Variants in PLPPR1 observed in about 807,000 individuals in gnomAD.
PLPPR1 encodes the protein phospholipid phosphatase-related protein type 1.
Under a neutral mutation model 33.1 loss-of-function variants are expected in PLPPR1, and 10 were observed. The observed-to-expected ratio is 0.30, with a 90% CI of 0.19 to 0.51. The LOEUF (loss-of-function observed/expected upper bound fraction) is 0.51, where lower values mean the gene tolerates loss of function less well. Among genes scored for constraint, PLPPR1 ranks in the 20% least tolerant of loss-of-function variants. PLPPR1 has a pLI of 0.97. For missense variants in PLPPR1, 304 were observed against 408.1 expected, an observed-to-expected ratio of 0.74 and a Z score of 2.20; for synonymous variants, 151 against 151.0, an observed-to-expected ratio of 1.00 and a Z score of 0.00.
At chr9:101,140,105 A>G (rs1325208648) in intron 1 of PLPPR1, among the ~76,000 whole-genome samples, 1 of 152,174 alleles carries the variant, frequency 6.6e-6, no homozygotes, top group African/African-American at 2.4e-5. Flanking sequence ...TACAAAAGGA[A>G]CTAGAAAGGT....
At chr9:101,094,938 C>A (rs1830796485) in intron 1 of PLPPR1, among the ~76,000 whole-genome samples, 1 of 152,146 alleles carries the variant, frequency 6.6e-6, no homozygotes, top group Non-Finnish European at 1.5e-5. Context: ...TTTCAAGGAC[C>A]CCCATCCTCT....
intron 2 of PLPPR1, among the ~76,000 whole-genome samples, chr9:101,229,577 A>AT (rs1827141320): frequency 6.6e-6 from 1 of 152,072 alleles, no homozygotes; most frequent in Non-Finnish European, 1.5e-5. Flanking sequence ...TCACAGATAA[A>AT]TTTTTTTAAA....
At chr9:101,127,827 GC>G (rs1300943035) in intron 1 of PLPPR1, among the ~76,000 whole-genome samples, 1 of 152,164 alleles carries the variant, frequency 6.6e-6, no homozygotes, top group Non-Finnish European at 1.5e-5. Flanking sequence ...TGCAAGCCTT[GC>G]CCCAGCTTCT....
At chr9:101,075,955 C>A (rs1246483865) in intron 1 of PLPPR1, among the ~76,000 whole-genome samples, 1 of 152,042 alleles carries the variant, frequency 6.6e-6, no homozygotes, top group South Asian at 2.1e-4. Context: ...GAAACTGGAA[C>A]AAGCATGAGG....
At chr9:101,248,973 C>G (rs1034451150) in intron 2 of PLPPR1, among the ~76,000 whole-genome samples, 1 of 152,064 alleles carries the variant, frequency 6.6e-6, no homozygotes, top group East Asian at 1.9e-4. Context: ...CTGGGAACAA[C>G]TTAATCTAAG....
In PLPPR1 at chr9:101,077,318, A is replaced by G. The variant is rs138851155; in HGVS notation, c.-46+48216A>G. Among the ~76,000 whole-genome samples the G allele has an allele frequency of 2.5e-3, 375 of 152,136 alleles. 2 individuals carry two copies. The highest frequency in any genetic ancestry group is 8.6e-3 in the African/African-American group (356 of 41,496). ...ACCCTGAGTTTTCATTCCTTCCCAT[A>G]TATTCTCTTTTCTACCAGCCACCCC... is the stretch of plus-strand genomic sequence containing the variant. On this transcript the variant is annotated intron_variant, in intron 1 of 7. Coordinates refer to ENST00000374874, the MANE Select transcript of PLPPR1 (RefSeq NM_207299.2).
At chr9:101,170,488 C>T (rs1281439452) in intron 1 of PLPPR1, among the ~76,000 whole-genome samples, 2 of 152,154 alleles carry the variant, frequency 1.3e-5, no homozygotes, top group Non-Finnish European at 2.9e-5. Flanking sequence ...CCCACTGGGT[C>T]CCTCCCATGA....
chr9:101,312,480 C>T (rs2118959231), intron 5 of PLPPR1, among the ~76,000 whole-genome samples: 1 of 152,298 alleles, frequency 6.6e-6, no homozygotes, highest in South Asian at 2.1e-4. Flanking sequence ...GATATTTAAA[C>T]TTGTCACATA....
At chr9:101,124,204 G>A (rs1831214060) in intron 1 of PLPPR1, among the ~76,000 whole-genome samples, 1 of 152,116 alleles carries the variant, frequency 6.6e-6, no homozygotes, top group Non-Finnish European at 1.5e-5. Flanking sequence ...AGTCGCTCTG[G>A]TTTGAATACT....
At chr9:101,155,442 G>A (rs1831667734) in intron 1 of PLPPR1, among the ~76,000 whole-genome samples, 1 of 152,336 alleles carries the variant, frequency 6.6e-6, no homozygotes, top group East Asian at 1.9e-4. Flanking sequence ...ATATGCAAGA[G>A]ATTAAGGAGA....
intron 2 of PLPPR1, among the ~76,000 whole-genome samples, chr9:101,244,686 T>C (rs1827551998): frequency 6.6e-6 from 1 of 151,984 alleles, no homozygotes; most frequent in Non-Finnish European, 1.5e-5. Context: ...TAGGTTGACA[T>C]ACAATAAAAT....
At position 101,052,445 on chromosome 9, in the gene PLPPR1, G is replaced by A. The variant is rs117264747; in HGVS notation, c.-46+23343G>A. Among the ~76,000 whole-genome samples the A allele has an allele frequency of 5.1e-3, 778 of 152,274 alleles. 1 individual carries two copies. Among genetic ancestry groups the A allele is most frequent in the Middle Eastern group, 0.01 (3 of 294 alleles). ...CACAGGACAGCCCTCCACTCTCACA[G>A]CAAGGAACAATCTATAATATTTTAT... On this transcript the variant is annotated intron_variant, in intron 1 of 7. Transcript: ENST00000374874.
intron 1 of PLPPR1, among the ~76,000 whole-genome samples, chr9:101,036,657 G>T (rs1466719115): frequency 7.0e-6 from 1 of 142,824 alleles, no homozygotes; most frequent in African/African-American, 2.6e-5. Flanking sequence ...AAGGTAGAAT[G>T]GCCAAGCTTG....
intron 2 of PLPPR1, among the ~76,000 whole-genome samples, chr9:101,185,916 C>T (rs1735716448): frequency 6.6e-6 from 1 of 151,664 alleles, no homozygotes; most frequent in Non-Finnish European, 1.5e-5. Context: ...AAATCAATAT[C>T]CTGTTTCAGG....
chr9:101,083,523 T>C (rs1830644699), intron 1 of PLPPR1, among the ~76,000 whole-genome samples: 1 of 152,134 alleles, frequency 6.6e-6, no homozygotes, highest in Admixed American at 6.5e-5. Context: ...ATAAATGCAA[T>C]GAAGCCTCCC....
chr9:101,109,203 T>C (rs1831019522), intron 1 of PLPPR1, among the ~76,000 whole-genome samples: 2 of 149,284 alleles, frequency 1.3e-5, no homozygotes, highest in East Asian at 2.0e-4. Context: ...CTCTATCTCC[T>C]GACGTCACGA....
chr9:101,078,087 G>GAGGAGCAGGAGAAGGAGAAGGAGA (rs1830562324), intron 1 of PLPPR1, among the ~76,000 whole-genome samples: 1 of 67,784 alleles, frequency 1.5e-5, no homozygotes, highest in Non-Finnish European at 2.9e-5. Context: ...AATGGAGGAG[G>GAGGAGCAGGAGAAGGAGAAGGAGA]AGGAGAAGGA....
chr9:101,244,859 TA>T (rs1453080540), intron 2 of PLPPR1, among the ~76,000 whole-genome samples: 28 of 151,898 alleles, frequency 1.8e-4, no homozygotes, highest in African/African-American at 6.3e-4. Flanking sequence ...TATTAATAAC[TA>T]CAAGTCAACT....
In PLPPR1 at chr9:101,225,164, G is replaced by A. The variant is rs1827037194; in HGVS notation, c.63+39607G>A. On this transcript the variant is annotated intron_variant, in intron 2 of 7. Transcript: ENST00000374874. ...ATCTGAGGACTTACCATGTTAGCAT[G>A]TTTGTTAATTCATGCATGTTACCAT... is the stretch of plus-strand genomic sequence containing the variant. Among the ~76,000 whole-genome samples, 4 of 152,236 alleles carry A rather than the reference G, an allele frequency of 2.6e-5. No individual in the cohort carries two copies. The South Asian group carries it at 8.3e-4, about 32-fold the overall frequency.
Sources: gnomAD v4.1 joint callset for allele counts (sites outside exome capture counted in the v4.1 genomes callset) on GRCh38, gnomAD v4.1.1 for gene constraint, MANE v1.5 for transcripts, NCBI Gene and HGNC (gene_info 2026-07-23, HGNC 2026-07-21) for gene names.